RPS6KC1: variants seen among roughly 807,000 people sequenced by gnomAD.
RPS6KC1 encodes the protein ribosomal protein S6 kinase C1.
Under a neutral mutation model 103.8 loss-of-function variants are expected in RPS6KC1, and 54 were observed. The ratio of observed to expected loss-of-function variants is 0.52; its 90% confidence interval spans 0.42 to 0.65. The LOEUF (loss-of-function observed/expected upper bound fraction) is 0.65, where lower values mean the gene tolerates loss of function less well. Ranked by LOEUF, RPS6KC1 falls within the 30% of genes least tolerant of loss-of-function variation. The pLI is 0.00. For synonymous variants in RPS6KC1, 439 were observed against 438.7 expected (o/e 1.00, Z -0.01); for missense variants, 1,151 against 1,253.8 (o/e 0.92, Z 1.24).
At chr1:213,360,893 G>T in the RPS6KC1 span, among the ~76,000 whole-genome samples, 1 of 152,222 alleles carries the variant, frequency 6.6e-6, no homozygotes, top group Admixed American at 6.5e-5. Flanking sequence ...AACAGCAAAT[G>T]TTGCTGTCTG....
chr1:213,764,944 T>A, the RPS6KC1 span, among the ~76,000 whole-genome samples: 598 of 152,290 alleles, frequency 3.9e-3, 1 homozygote, highest in Non-Finnish European at 6.1e-3. Flanking sequence ...GAAATCTCCC[T>A]ATAGGGGGCA....
the RPS6KC1 span, among the ~76,000 whole-genome samples, chr1:213,604,202 G>T: frequency 3.3e-5 from 5 of 151,956 alleles, no homozygotes; most frequent in Non-Finnish European, 5.9e-5. Flanking sequence ...TTTCTTCCTT[G>T]TCTGCCATTT....
At chr1:213,490,781 G>A in the RPS6KC1 span, among the ~76,000 whole-genome samples, 1 of 152,222 alleles carries the variant, frequency 6.6e-6, no homozygotes, top group Non-Finnish European at 1.5e-5. Flanking sequence ...GATCTGAAAA[G>A]GTGGCAGCAG....
the RPS6KC1 span, among the ~76,000 whole-genome samples, chr1:213,500,351 G>A: frequency 2.0e-5 from 3 of 152,002 alleles, no homozygotes; most frequent in Non-Finnish European, 4.4e-5. Flanking sequence ...TAGCACTAAC[G>A]GCGCGGCCAT....
At chr1:213,778,086 C>T in the RPS6KC1 span, among the ~76,000 whole-genome samples, 1 of 152,190 alleles carries the variant, frequency 6.6e-6, no homozygotes, top group East Asian at 1.9e-4. Context: ...CACGATGCCA[C>T]AGCTGCCCTC....
the RPS6KC1 span, among the ~76,000 whole-genome samples, chr1:213,802,335 C>T: frequency 6.6e-6 from 1 of 152,148 alleles, no homozygotes; most frequent in African/African-American, 2.4e-5. Context: ...ATCCAGTAAA[C>T]CTAGAAAAAC....
intron 3 of RPS6KC1, among the ~76,000 whole-genome samples, chr1:213,102,197 G>A (rs1303834467): frequency 6.6e-6 from 1 of 152,188 alleles, no homozygotes; most frequent in Non-Finnish European, 1.5e-5. Flanking sequence ...AAGATTTGGA[G>A]GTAGCCTCAA....
chr1:213,291,170 C>T, the RPS6KC1 span, among the ~76,000 whole-genome samples: 1 of 152,190 alleles, frequency 6.6e-6, no homozygotes, highest in Non-Finnish European at 1.5e-5. Flanking sequence ...TAAAAGGCCA[C>T]ATAATCAAAC....
the RPS6KC1 span, among the ~76,000 whole-genome samples, chr1:213,643,271 C>T: frequency 0.015 from 2,307 of 151,936 alleles, 52 homozygotes; most frequent in African/African-American, 0.052. Context: ...TCTTCTCATC[C>T]ATGAACACCT....
intron 6 of RPS6KC1, among the ~76,000 whole-genome samples, chr1:213,142,152 G>A (rs934579571): frequency 6.6e-6 from 1 of 151,894 alleles, no homozygotes; most frequent in Admixed American, 6.6e-5. Flanking sequence ...TTTGATCATT[G>A]TTGATTTAAA....
chr1:213,795,330 G>C, the RPS6KC1 span, among the ~76,000 whole-genome samples: 1 of 152,330 alleles, frequency 6.6e-6, no homozygotes, highest in African/African-American at 2.4e-5. Context: ...TCTATGAACA[G>C]AGTTCAGGGT....
chr1:213,115,811 C>T (rs994814009), intron 4 of RPS6KC1, among the ~76,000 whole-genome samples: 3 of 152,122 alleles, frequency 2.0e-5, no homozygotes, highest in Admixed American at 6.5e-5. Flanking sequence ...TTGTTATGTA[C>T]GCAGTAGTCA....
chr1:213,152,404 G>A (rs1448142083), intron 6 of RPS6KC1, among the ~76,000 whole-genome samples: 1 of 149,920 alleles, frequency 6.7e-6, no homozygotes, highest in Non-Finnish European at 1.5e-5. Context: ...CCTCCCGGAC[G>A]GGGTGGCTGC....
the RPS6KC1 span, among the ~76,000 whole-genome samples, chr1:213,684,196 A>G: frequency 2.0e-5 from 3 of 152,172 alleles, no homozygotes; most frequent in South Asian, 6.2e-4. Flanking sequence ...TTTTTCACTT[A>G]GCATTTCAAA....
chr1:213,108,387 A>G (rs2082689414), intron 4 of RPS6KC1, among the ~76,000 whole-genome samples: 1 of 152,160 alleles, frequency 6.6e-6, no homozygotes. Flanking sequence ...CTGAAAGTAA[A>G]TTGACTGTAA....
intron 1 of RPS6KC1, among the ~76,000 whole-genome samples, chr1:213,057,149 C>A (rs577861062): frequency 6.6e-6 from 1 of 152,024 alleles, no homozygotes; most frequent in Non-Finnish European, 1.5e-5. Context: ...CCATGTTGCC[C>A]AGGCTGATCT....
At chr1:213,802,339 G>A in the RPS6KC1 span, among the ~76,000 whole-genome samples, 1 of 152,144 alleles carries the variant, frequency 6.6e-6, no homozygotes, top group African/African-American at 2.4e-5. Flanking sequence ...AGTAAACCTA[G>A]AAAAACAGTG....
intron 5 of RPS6KC1, among the ~76,000 whole-genome samples, chr1:213,122,799 A>C (rs1333126482): frequency 6.6e-6 from 1 of 152,016 alleles, no homozygotes; most frequent in Admixed American, 6.6e-5. Flanking sequence ...ACTTATTTTT[A>C]TTCCCTGCCC....
chr1:213,213,355 G>A (rs968811768), intron 8 of RPS6KC1, among the ~76,000 whole-genome samples: 3 of 152,158 alleles, frequency 2.0e-5, no homozygotes, highest in African/African-American at 4.8e-5. Flanking sequence ...TGTCAAAAGC[G>A]AGTTGAGTAT....
Sources: allele counts gnomAD v4.1 joint callset (sites outside exome capture counted in the v4.1 genomes callset), GRCh38; gene constraint gnomAD v4.1.1; transcripts MANE v1.5; gene names NCBI Gene and HGNC (gene_info 2026-07-23, HGNC 2026-07-21).